TENM3: variants seen among roughly 807,000 people sequenced by gnomAD.
TENM3 encodes the protein teneurin-3.
In TENM3, 63 loss-of-function variants were observed where a neutral mutation model predicts 255.1. That is an observed-to-expected ratio of 0.25 (90% CI 0.20 to 0.30). The LOEUF (loss-of-function observed/expected upper bound fraction) is 0.30, where lower values mean the gene tolerates loss of function less well. Ranked by LOEUF, TENM3 falls within the 10% of genes least tolerant of loss-of-function variation. The pLI, the probability that TENM3 is intolerant of heterozygous loss-of-function variation, is 1.00. For missense variants in TENM3, 2,929 were observed against 3,461.1 expected, an observed-to-expected ratio of 0.85 and a Z score of 3.86; for synonymous variants, 1,306 against 1,322.3, an observed-to-expected ratio of 0.99 and a Z score of 0.27.
At chr4:182,597,423 ACAAACT>A (rs1033131697) in intron 3 of TENM3, among the ~76,000 whole-genome samples, 9 of 152,170 alleles carry the variant, frequency 5.9e-5, no homozygotes, top group African/African-American at 2.2e-4. Flanking sequence ...GAAGAAAAAA[ACAAACT>A]TAAAAAGAAA....
At chr4:181,933,566 A>G in the TENM3 span, among the ~76,000 whole-genome samples, 14 of 152,194 alleles carry the variant, frequency 9.2e-5, no homozygotes, top group South Asian at 2.1e-4. Context: ...GACTGTGGCC[A>G]TTTCAAGCAA....
the TENM3 span, among the ~76,000 whole-genome samples, chr4:181,681,879 G>T: frequency 4.6e-5 from 7 of 152,064 alleles, no homozygotes; most frequent in Admixed American, 1.3e-4. Flanking sequence ...GTTAATCAGT[G>T]TTCCTAAAAT....
intron 3 of TENM3, among the ~76,000 whole-genome samples, chr4:182,403,059 T>C (rs1769312078): frequency 1.3e-5 from 2 of 152,220 alleles, no homozygotes; most frequent in African/African-American, 2.4e-5. Flanking sequence ...TTTGGTCACA[T>C]AGCAATTTTG....
chr4:181,963,217 A>G, the TENM3 span, among the ~76,000 whole-genome samples: 1 of 152,234 alleles, frequency 6.6e-6, no homozygotes, highest in Non-Finnish European at 1.5e-5. Context: ...GTCAGTGGCT[A>G]TAAACAAATA....
At position 182,800,585 on chromosome 4, in the gene TENM3, C is replaced by G. The variant is rs1026116183; in HGVS notation, c.*234C>G. The G allele has an allele frequency of 2.3e-6, 1 of 432,104 alleles. No homozygotes were observed. The highest frequency in any genetic ancestry group is 4.0e-6 in the Non-Finnish European group (1 of 248,162). The allele number at this position is 432,104 out of a possible 1,614,324, so 26.8% of individuals were successfully genotyped here. ...TAGCGCTGCACTCAGTCGGACTGAA[C>G]GTAGCCAGAGGAAAAAAAAATCATC... is the stretch of plus-strand genomic sequence containing the variant. On this transcript the variant is annotated 3_prime_UTR_variant, in exon 28 of 28. Coordinates refer to ENST00000511685, the MANE Select transcript of TENM3 (RefSeq NM_001080477.4).
At chr4:182,681,152 A>G (rs988303018) in intron 10 of TENM3, among the ~76,000 whole-genome samples, 3 of 152,210 alleles carry the variant, frequency 2.0e-5, no homozygotes, top group Non-Finnish European at 4.4e-5. Flanking sequence ...GATGTGTTCC[A>G]TAGCTGTATA....
chr4:181,995,759 A>G, the TENM3 span, among the ~76,000 whole-genome samples: 40 of 152,302 alleles, frequency 2.6e-4, no homozygotes, highest in Admixed American at 9.8e-4. Flanking sequence ...GACAGATACC[A>G]TAATTAGATC....
chr4:182,577,735 G>A lies in TENM3; in HGVS notation c.512-23189G>A, dbSNP rs981003671. On this transcript the variant is annotated intron_variant, in intron 3 of 27. Transcript: ENST00000511685. ...TATTTTTATTAGCGTGAATATCTAT[G>A]GTTTTCATGCACATAGGTAATAGTA... Among the ~76,000 whole-genome samples the A allele has an allele frequency of 2.0e-5, 3 of 152,028 alleles. No individual in the cohort carries two copies. In the East Asian group the frequency reaches 5.8e-4, roughly 29 times the overall value.
At chr4:182,079,862 C>A in the TENM3 span, 1 of 152,328 alleles carries the variant, frequency 6.6e-6, no homozygotes, top group Admixed American at 6.5e-5. Context: ...TGTCACTTCA[C>A]CTTTTACCCT....
the TENM3 span, among the ~76,000 whole-genome samples, chr4:181,500,909 A>C: frequency 6.6e-6 from 1 of 152,146 alleles, no homozygotes; most frequent in African/African-American, 2.4e-5. Context: ...TCAGAGAAAA[A>C]CCTAAATATG....
chr4:181,624,800 G>A, the TENM3 span, among the ~76,000 whole-genome samples: 4 of 152,118 alleles, frequency 2.6e-5, no homozygotes, highest in African/African-American at 7.2e-5. Context: ...TCTTCTCTTG[G>A]ATCTGCTGAG....
the TENM3 span, among the ~76,000 whole-genome samples, chr4:181,480,261 A>G: frequency 6.6e-6 from 1 of 152,166 alleles, no homozygotes. Context: ...CCACCTGGAA[A>G]TAGTTGCTCA....
chr4:181,839,384 T>TACACAATATACAC, the TENM3 span, among the ~76,000 whole-genome samples: 1 of 83,496 alleles, frequency 1.2e-5, no homozygotes, highest in Non-Finnish European at 2.3e-5. Flanking sequence ...TATATATATA[T>TACACAATATACAC]ACACCTATAT....
chr4:182,480,600 T>A (rs946390903), intron 3 of TENM3, among the ~76,000 whole-genome samples: 1 of 152,122 alleles, frequency 6.6e-6, no homozygotes, highest in Non-Finnish European at 1.5e-5. Context: ...AGTGTCTTCG[T>A]AAAGATGAAA....
At chr4:182,283,394 A>G (rs1760523595) in intron 1 of TENM3, among the ~76,000 whole-genome samples, 1 of 152,184 alleles carries the variant, frequency 6.6e-6, no homozygotes, top group African/African-American at 2.4e-5. Flanking sequence ...GATACCATTT[A>G]GTCATTCTGC....
the TENM3 span, among the ~76,000 whole-genome samples, chr4:182,081,415 C>G: frequency 6.6e-6 from 1 of 151,792 alleles, no homozygotes; most frequent in Non-Finnish European, 1.5e-5. Context: ...GAAACCTCAT[C>G]TCTACTAAAA....
At chr4:182,593,216 C>T (rs1035693937) in intron 3 of TENM3, among the ~76,000 whole-genome samples, 1 of 152,142 alleles carries the variant, frequency 6.6e-6, no homozygotes, top group Non-Finnish European at 1.5e-5. Context: ...TCATTTATTC[C>T]ACTTGCTATC....
At chr4:182,734,510 G>A (rs1179923983) in intron 16 of TENM3, among the ~76,000 whole-genome samples, 2 of 152,200 alleles carry the variant, frequency 1.3e-5, no homozygotes, top group Non-Finnish European at 2.9e-5. Context: ...CTTGTGAAGT[G>A]TATATCCATG....
At position 182,801,722 on chromosome 4, in the gene TENM3, C is replaced by G. The variant is rs1766980744; in HGVS notation, c.*1371C>G. 1 of 152,056 alleles carries G rather than the reference C, an allele frequency of 6.6e-6. No individual in the cohort carries two copies. The highest frequency in any genetic ancestry group is 1.9e-4 in the East Asian group (1 of 5,148). The allele number at this position is 152,056 out of a possible 1,614,324, so 9.4% of individuals were successfully genotyped here. A position where few individuals can be genotyped will look rare whatever the true frequency, so the allele number is the denominator to read the frequency against. On this transcript the variant is annotated 3_prime_UTR_variant, in exon 28 of 28. Transcript: ENST00000511685. ...CAGGGTTACTCTAAGCCCACATGAC[C>G]AAACCATCTTGGGGGGCTGGTTTGA... is the stretch of plus-strand genomic sequence containing the variant.
Sources: gnomAD v4.1 joint callset for allele counts (sites outside exome capture counted in the v4.1 genomes callset) on GRCh38, gnomAD v4.1.1 for gene constraint, MANE v1.5 for transcripts, NCBI Gene and HGNC (gene_info 2026-07-23, HGNC 2026-07-21) for gene names.